The following TMEM154 variants were observed in gnomAD, a reference collection of about 807,000 sequenced individuals.
TMEM154 encodes the protein transmembrane protein 154.
Under a neutral mutation model 24.5 loss-of-function variants are expected in TMEM154, and 27 were observed. That is an observed-to-expected ratio of 1.10 (90% CI 0.81 to 1.52). The LOEUF (loss-of-function observed/expected upper bound fraction) is 1.52. TMEM154 is among the 40% of genes most tolerant of loss of function. The pLI is 0.00. For missense variants in TMEM154, 228 were observed against 213.4 expected (o/e 1.07, Z -0.43); for synonymous variants, 67 against 76.8 (o/e 0.87, Z 0.67).
rs1206438323 is a variant in TMEM154 at position 152,620,955 on chromosome 4, G to A, written c.*7591C>T. On this transcript the variant is annotated 3_prime_UTR_variant, in exon 7 of 7. Transcript: ENST00000304385. ...TAAGTAATTACTAGGATTAAAATGA[G>A]ATGATGTATGTTTAGTGTTTAGCAC... The A allele has an allele frequency of 1.3e-5, 2 of 152,216 alleles. No individual in the cohort carries two copies. The highest frequency in any genetic ancestry group is 3.8e-4 in the East Asian group (2 of 5,204). 9.4% of individuals were successfully genotyped at this position (152,216 alleles called of 1,614,324 possible).
chr4:152,645,392 G>A (rs988525815), intron 3 of TMEM154, among the ~76,000 whole-genome samples: 1 of 152,188 alleles, frequency 6.6e-6, no homozygotes, highest in Non-Finnish European at 1.5e-5. Flanking sequence ...GTGAGAGTCA[G>A]GTAACTGTTT....
At chr4:152,628,638 CTTTTTTTTTT>C in intron 6 of TMEM154, 77 bp from the exon 7 acceptor site, 1 of 945,514 alleles carries the variant, frequency 1.1e-6, no homozygotes, top group East Asian at 5.8e-5. Context: ...ATATTTCTTT[CTTTTTTTTTT>C]TTTTTTGAGA....
At chr4:152,651,506 A>G (rs1728382849) in intron 3 of TMEM154, among the ~76,000 whole-genome samples, 1 of 152,126 alleles carries the variant, frequency 6.6e-6, no homozygotes, top group African/African-American at 2.4e-5. Flanking sequence ...AACCTCATGA[A>G]ACACCCTCTG....
In TMEM154 at chr4:152,679,750, T is replaced by C. The variant is rs962347403; in HGVS notation, c.64+120A>G. 10 of 1,433,452 alleles carry C rather than the reference T, an allele frequency of 7.0e-6. 1 individual carries two copies. In the African/African-American group the frequency reaches 1.4e-4, roughly 20 times the overall value. The allele number at this position is 1,433,452 out of a possible 1,614,324, so 88.8% of individuals were successfully genotyped here. On this transcript the variant is annotated intron_variant, in intron 1 of 6. Coordinates refer to ENST00000304385, the MANE Select transcript of TMEM154 (RefSeq NM_152680.3). ...AAGGAGTTCTAATTTTCTCCACTTCTTTCACAGAAAGGATTAGATTTTCTG... is the reference window on the plus strand; with the variant it reads ...AAGGAGTTCTAATTTTCTCCACTTCCTTCACAGAAAGGATTAGATTTTCTG...
In TMEM154 at chr4:152,647,968, A is replaced by G. The variant is rs2149782832; in HGVS notation, c.365-3526T>C. ...CAACCTCAATGCCACACTGTCACAC[A>G]AGACAAATAAGACTAGCTCTTGGTT... On this transcript the variant is annotated intron_variant, in intron 3 of 6. Coordinates refer to ENST00000304385, the MANE Select transcript of TMEM154 (RefSeq NM_152680.3). Among the ~76,000 whole-genome samples the G allele has an allele frequency of 1.3e-5, 2 of 152,300 alleles. 1 individual carries two copies. Among genetic ancestry groups the G allele is most frequent in the South Asian group, 4.1e-4 (2 of 4,830 alleles).
intron 5 of TMEM154, 36 bp from the exon 6 acceptor site, chr4:152,641,021 C>T (rs1377775004): frequency 3.1e-6 from 5 of 1,589,200 alleles, no homozygotes; most frequent in African/African-American, 1.4e-5. Context: ...TTGTTAGTTA[C>T]TGAAATCGTA....
chr4:152,675,142 G>A (rs1365609497), intron 1 of TMEM154, among the ~76,000 whole-genome samples: 4 of 129,602 alleles, frequency 3.1e-5, no homozygotes, highest in South Asian at 5.2e-4. Context: ...GGGCAGCAGA[G>A]CGAGGCTCCA....
chr4:152,640,884 C>T (rs770373310), intron 6 of TMEM154, 44 bp downstream of exon 6: 2 of 1,200,530 alleles, frequency 1.7e-6, no homozygotes, highest in South Asian at 2.5e-5. Context: ...AATCCCCCCG[C>T]CCCCCGCCAT....
intron 6 of TMEM154, among the ~76,000 whole-genome samples, chr4:152,631,955 C>T (rs1752053062): frequency 1.3e-5 from 2 of 151,900 alleles, no homozygotes; most frequent in Admixed American, 1.3e-4. Flanking sequence ...CAGGTGTCTG[C>T]CACCATGCCC....
chr4:152,633,493 T>C (rs181599142), intron 6 of TMEM154, among the ~76,000 whole-genome samples: 2 of 152,376 alleles, frequency 1.3e-5, no homozygotes, highest in African/African-American at 4.8e-5. Context: ...ACCTAGACAT[T>C]TTTAATTCTG....
chr4:152,637,972 C>T (rs1396877777), intron 6 of TMEM154, among the ~76,000 whole-genome samples: 1 of 152,186 alleles, frequency 6.6e-6, no homozygotes, highest in Non-Finnish European at 1.5e-5. Context: ...TTAAAAACTT[C>T]AGACTGGGCG....
At chr4:152,634,525 T>C (rs1044063298) in intron 6 of TMEM154, among the ~76,000 whole-genome samples, 7 of 152,202 alleles carry the variant, frequency 4.6e-5, no homozygotes, top group African/African-American at 1.7e-4. Context: ...AGGTAATGCA[T>C]CTGGCTAACA....
intron 1 of TMEM154, among the ~76,000 whole-genome samples, chr4:152,655,159 A>G (rs976597862): frequency 1.8e-4 from 27 of 152,374 alleles, no homozygotes; most frequent in African/African-American, 6.0e-4. Flanking sequence ...TGAATTGATC[A>G]TTTAAGGGAG....
In TMEM154 at chr4:152,657,233, G is replaced by A. The variant is rs186284679; in HGVS notation, c.65-4306C>T. On this transcript the variant is annotated intron_variant, in intron 1 of 6. Coordinates refer to ENST00000304385, the MANE Select transcript of TMEM154 (RefSeq NM_152680.3). ...TAGAAAACCTTTTTAATGAAACAAG[G>A]CCAGATGCAGTGGCTCATGCCTGTA... 6.0e-5 allele frequency among the ~76,000 whole-genome samples: 9 copies of A among 150,886 alleles called. No homozygotes were observed. The East Asian group carries it at 1.4e-3, about 23-fold the overall frequency.
chr4:152,670,778 C>T lies in TMEM154; in HGVS notation c.64+9092G>A, dbSNP rs147395241. On this transcript the variant is annotated intron_variant, in intron 1 of 6. Transcript: ENST00000304385. ...TCATATATACAAGTAAATCTTGGGG[C>T]ATTTGATAAATTTCATGTTTATGCA... is the stretch of plus-strand genomic sequence containing the variant. 5.0e-4 allele frequency among the ~76,000 whole-genome samples: 76 copies of T among 152,126 alleles called. No individual in the cohort carries two copies. In the East Asian group the frequency reaches 0.012, roughly 25 times the overall value.
intron 1 of TMEM154, among the ~76,000 whole-genome samples, chr4:152,660,384 C>G (rs763177998): frequency 1.3e-5 from 2 of 151,588 alleles, no homozygotes; most frequent in East Asian, 1.9e-4. Context: ...CCGCCCCCCC[C>G]TCACTTTACT....
intron 1 of TMEM154, among the ~76,000 whole-genome samples, chr4:152,673,793 T>C (rs1007570696): frequency 5.3e-5 from 8 of 152,232 alleles, no homozygotes; most frequent in African/African-American, 1.7e-4. Flanking sequence ...CTTTTGTTGA[T>C]AGACATTTAG....
chr4:152,629,349 C>A (rs547532071), intron 6 of TMEM154, among the ~76,000 whole-genome samples: 1 of 152,226 alleles, frequency 6.6e-6, no homozygotes, highest in Non-Finnish European at 1.5e-5. Context: ...GCTGAAGGGG[C>A]CTTCTCAGTG....
rs1048129806 is a variant in TMEM154, at chr4:152,624,237, T to C, written c.*4309A>G. 1 of 152,190 alleles carries C rather than the reference T, an allele frequency of 6.6e-6. No individual in the cohort carries two copies. Among genetic ancestry groups the C allele is most frequent in the Non-Finnish European group, 1.5e-5 (1 of 68,036 alleles). 9.4% of individuals were successfully genotyped at this position (152,190 alleles called of 1,614,324 possible). A position where few individuals can be genotyped will look rare whatever the true frequency, so the allele number is the denominator to read the frequency against. ...TATTTTACATAATTGTATATACTGC[T>C]ATCTCAGGAACATGATATGTTATTT... On this transcript the variant is annotated 3_prime_UTR_variant, in exon 7 of 7. Coordinates refer to ENST00000304385, the MANE Select transcript of TMEM154 (RefSeq NM_152680.3).
Sources: gnomAD v4.1 joint callset for allele counts (sites outside exome capture counted in the v4.1 genomes callset) on GRCh38, gnomAD v4.1.1 for gene constraint, MANE v1.5 for transcripts, NCBI Gene and HGNC (gene_info 2026-07-23, HGNC 2026-07-21) for gene names.